Variants in NDUFA10 observed in about 807,000 individuals in gnomAD.
NDUFA10 encodes NADH:ubiquinone oxidoreductase subunit A10, also known as NADH dehydrogenase [ubiquinone] 1 alpha subcomplex subunit 10, mitochondrial.
Under a neutral mutation model 47.8 loss-of-function variants are expected in NDUFA10, and 40 were observed. That is an observed-to-expected ratio of 0.84 (90% confidence interval 0.65 to 1.09). The LOEUF is 1.09. NDUFA10 is among the 50% of genes least tolerant of loss of function. NDUFA10 has a pLI of 0.00. For synonymous variants in NDUFA10, 183 were observed against 172.2 expected, an observed-to-expected ratio of 1.06 and a Z score of -0.49; for missense variants, 413 against 451.1, an observed-to-expected ratio of 0.92 and a Z score of 0.76.
intron 5 of NDUFA10, 65 bp from the exon 6 acceptor site, chr2:240,011,761 A>G: frequency 7.2e-7 from 1 of 1,391,482 alleles, no homozygotes; most frequent in Non-Finnish European, 1.0e-6. Flanking sequence ...ACCTGTGCGT[A>G]TATAAAATGC....
intron 3 of NDUFA10, among the ~76,000 whole-genome samples, chr2:240,020,421 A>C (rs1363665614): frequency 6.6e-6 from 1 of 152,156 alleles, no homozygotes; most frequent in East Asian, 1.9e-4. Context: ...GGTAGCTTTG[A>C]CCAAAAATTG....
At chr2:239,907,352 C>G (rs7355568) in intron 4 of NDUFA10, among the ~76,000 whole-genome samples, 25,638 of 152,166 alleles carry the variant, frequency 0.17, 2,202 homozygotes, top group South Asian at 0.2. Context: ...GACTTCATGA[C>G]TAAAACACCA....
Position 240,025,319 on chromosome 2 carries a change from A to G in NDUFA10, c.-18T>C, listed in dbSNP as rs769030004. Reference sequence around the variant, plus strand: ...AAGGCCATGGCTACCCGGTCAGCTCAGGATCAAGGACCCAAGGGGACGCGG... The same window carrying G: ...AAGGCCATGGCTACCCGGTCAGCTCGGGATCAAGGACCCAAGGGGACGCGG... On this transcript the variant is annotated 5_prime_UTR_variant, in exon 1 of 10. Transcript: ENST00000252711. 25 of 1,496,306 alleles carry G rather than the reference A, an allele frequency of 1.7e-5. No individual in the cohort carries two copies. Among genetic ancestry groups the G allele is most frequent in the South Asian group, 6.3e-5 (5 of 79,126 alleles). The allele number at this position is 1,496,306 out of a possible 1,614,324, so 92.7% of individuals were successfully genotyped here. A position where few individuals can be genotyped will look rare whatever the true frequency, so the allele number is the denominator to read the frequency against.
intron 1 of NDUFA10, among the ~76,000 whole-genome samples, chr2:240,023,141 G>A (rs1446592272): frequency 6.6e-6 from 1 of 152,038 alleles, no homozygotes; most frequent in African/African-American, 2.4e-5. Flanking sequence ...ACACTAAAGT[G>A]GGAACATTCC....
intron 9 of NDUFA10, among the ~76,000 whole-genome samples, chr2:239,962,312 A>C (rs1037946309): frequency 6.6e-6 from 1 of 152,104 alleles, no homozygotes. Context: ...CCTTTATCCT[A>C]ATCAGCAGCA....
intron 4 of NDUFA10, among the ~76,000 whole-genome samples, chr2:239,902,493 G>A (rs1693571200): frequency 6.6e-6 from 1 of 152,176 alleles, no homozygotes; most frequent in Admixed American, 6.5e-5. Flanking sequence ...CTATAGTACA[G>A]TATAAATATA....
At chr2:239,911,189 T>TC (rs1224952610) in intron 4 of NDUFA10, among the ~76,000 whole-genome samples, 2 of 152,148 alleles carry the variant, frequency 1.3e-5, no homozygotes, top group African/African-American at 4.8e-5. Context: ...CTTACTACTG[T>TC]CCCCGCCTCC....
At chr2:240,019,006 C>T (rs1045178704) in intron 3 of NDUFA10, among the ~76,000 whole-genome samples, 1 of 152,116 alleles carries the variant, frequency 6.6e-6, no homozygotes, top group Non-Finnish European at 1.5e-5. Flanking sequence ...TCAACCTCAC[C>T]TCTGTCCACT....
At chr2:239,910,559 G>C (rs1693733626) in intron 4 of NDUFA10, among the ~76,000 whole-genome samples, 2 of 152,020 alleles carry the variant, frequency 1.3e-5, no homozygotes, top group Non-Finnish European at 2.9e-5. Context: ...ACTGGGGCCT[G>C]CTGGGGGGTG....
intron 6 of NDUFA10, among the ~76,000 whole-genome samples, chr2:240,008,355 T>C (rs142842393): frequency 3.0e-4 from 45 of 152,262 alleles, no homozygotes; most frequent in East Asian, 1.2e-3. Flanking sequence ...AATAAATCCA[T>C]AGTGAGGAAA....
chr2:240,023,566 T>C lies in NDUFA10; in HGVS notation c.76-1226A>G, dbSNP rs532886253. 3.3e-5 allele frequency among the ~76,000 whole-genome samples: 5 copies of C among 152,308 alleles called. No individual in the cohort carries two copies. In the East Asian group the frequency reaches 7.7e-4, roughly 23 times the overall value. On this transcript the variant is annotated intron_variant, in intron 1 of 9. Transcript: ENST00000252711. ...TATAAGGATGCTCAATGAAGTATGATGTAACACCAAAAATGCAAATAGAAA... is the reference window on the plus strand; with the variant it reads ...TATAAGGATGCTCAATGAAGTATGACGTAACACCAAAAATGCAAATAGAAA...
At chr2:239,935,506 C>T (rs186904805) in intron 4 of NDUFA10, among the ~76,000 whole-genome samples, 247 of 152,178 alleles carry the variant, frequency 1.6e-3, no homozygotes, top group Non-Finnish European at 2.5e-3. Flanking sequence ...GCTCATGGTG[C>T]GTAATATTTT....
chr2:240,025,191 CCACCCCGCCACCCT>C (rs1272598895), intron 1 of NDUFA10, 22 bp downstream of exon 1: 4 of 1,115,158 alleles, frequency 3.6e-6, no homozygotes, highest in Middle Eastern at 3.1e-4. Context: ...CGCCACCCTG[CCACCCCGCCACCCT>C]GCCACCCCGC....
At chr2:239,907,378 A>G (rs1475351492) in intron 4 of NDUFA10, among the ~76,000 whole-genome samples, 10 of 152,354 alleles carry the variant, frequency 6.6e-5, no homozygotes, top group South Asian at 2.1e-4. Flanking sequence ...AATGGCAACA[A>G]AAGCCAAAAT....
chr2:239,978,200 C>T (rs1364328115), intron 9 of NDUFA10, among the ~76,000 whole-genome samples: 1 of 152,172 alleles, frequency 6.6e-6, no homozygotes, highest in Non-Finnish European at 1.5e-5. Flanking sequence ...CAAGCACTTA[C>T]CCTTTTGCCT....
chr2:239,993,156 C>T (rs1171830126), intron 8 of NDUFA10, among the ~76,000 whole-genome samples: 5 of 152,124 alleles, frequency 3.3e-5, no homozygotes, highest in East Asian at 1.9e-4. Context: ...CTCTATGCTC[C>T]GATAAGCACA....
intron 8 of NDUFA10, among the ~76,000 whole-genome samples, chr2:239,991,338 G>GA (rs1395636196): frequency 3.3e-5 from 5 of 152,202 alleles, no homozygotes; most frequent in Admixed American, 2.0e-4. Flanking sequence ...GCCCCTCCAA[G>GA]AAACTGCTGC....
intron 4 of NDUFA10, among the ~76,000 whole-genome samples, chr2:239,946,315 G>A (rs772418238): frequency 6.6e-6 from 1 of 152,220 alleles, no homozygotes; most frequent in African/African-American, 2.4e-5. Flanking sequence ...GGAGATGGGT[G>A]CAGTGATGAG....
At chr2:239,930,001 A>C (rs112461651) in intron 4 of NDUFA10, among the ~76,000 whole-genome samples, 185 of 10,612 alleles carry the variant, frequency 0.017, no homozygotes, top group Admixed American at 0.032. Context: ...CCTGCTTCTC[A>C]ACTGCCCCTG....
Sources: allele counts gnomAD v4.1 joint callset (sites outside exome capture counted in the v4.1 genomes callset), GRCh38; gene constraint gnomAD v4.1.1; transcripts MANE v1.5; gene names NCBI Gene and HGNC (gene_info 2026-07-23, HGNC 2026-07-21).